Variants in PDE1C observed in about 807,000 individuals in gnomAD.
PDE1C encodes the protein phosphodiesterase 1C.
In PDE1C, 62 loss-of-function variants were observed where a neutral mutation model predicts 93.1. The ratio of observed to expected loss-of-function variants is 0.67; its 90% CI spans 0.54 to 0.82. The LOEUF (loss-of-function observed/expected upper bound fraction) is 0.82. PDE1C is among the 40% of genes least tolerant of loss of function. PDE1C has a pLI of 0.00. For synonymous variants in PDE1C, 325 were observed against 310.1 expected (o/e 1.05, Z -0.50); for missense variants, 742 against 884.6 (o/e 0.84, Z 2.04).
At chr7:32,089,480 C>G (rs889371015) in intron 3 of PDE1C, among the ~76,000 whole-genome samples, 1 of 152,114 alleles carries the variant, frequency 6.6e-6, no homozygotes, top group Admixed American at 6.6e-5. Context: ...TTACCAACCA[C>G]GTCAAGCTAT....
Position 32,370,411 on chromosome 7 carries a change from G to A in PDE1C, c.310+57411C>T, listed in dbSNP as rs533522540. Among the ~76,000 whole-genome samples the A allele has an allele frequency of 5.3e-3, 789 of 149,156 alleles. 7 individuals are homozygous for A. Among genetic ancestry groups the A allele is most frequent in the African/African-American group, 0.018 (740 of 40,302 alleles). On this transcript the variant is annotated intron_variant, in intron 1 of 1. Transcript: ENST00000672256. ...TTGCAGTGAGCTGAGATCGCACCAC[G>A]GCACTCCAGCCTGGGCGACAGAGTG...
chr7:32,081,831 T>A (rs1796679520), intron 3 of PDE1C, among the ~76,000 whole-genome samples: 1 of 152,238 alleles, frequency 6.6e-6, no homozygotes, highest in South Asian at 2.1e-4. Flanking sequence ...TTAATAACCA[T>A]GGCTTTTAGA....
chr7:32,222,514 G>A (rs985372508), intron 1 of PDE1C, among the ~76,000 whole-genome samples: 11 of 152,310 alleles, frequency 7.2e-5, no homozygotes, highest in Admixed American at 3.9e-4. Flanking sequence ...AGAAGCCAAA[G>A]AGCCTTTCTA....
chr7:31,869,982 A>G (rs1795735629), intron 6 of PDE1C, among the ~76,000 whole-genome samples: 1 of 152,102 alleles, frequency 6.6e-6, no homozygotes, highest in Non-Finnish European at 1.5e-5. Flanking sequence ...GAACAAATAC[A>G]CGGAAATTAA....
intron 1 of PDE1C, among the ~76,000 whole-genome samples, chr7:32,307,008 C>A (rs561428929): frequency 6.6e-6 from 1 of 152,328 alleles, no homozygotes; most frequent in South Asian, 2.1e-4. Context: ...CTTTGACATG[C>A]TCTATCAACT....
intron 2 of PDE1C, among the ~76,000 whole-genome samples, chr7:32,186,099 T>G (rs865979713): frequency 0.081 from 11,744 of 145,520 alleles, 715 homozygotes; most frequent in East Asian, 0.31. Flanking sequence ...TTTTTTTTTT[T>G]TTTTTTTTTT....
chr7:31,723,218 T>C, the PDE1C span, among the ~76,000 whole-genome samples: 3 of 152,198 alleles, frequency 2.0e-5, no homozygotes, highest in African/African-American at 7.2e-5. Flanking sequence ...TTCTGCCAGG[T>C]CCATTAGATG....
chr7:31,673,302 C>A, the PDE1C span, among the ~76,000 whole-genome samples: 11 of 152,130 alleles, frequency 7.2e-5, no homozygotes, highest in Admixed American at 5.9e-4. Flanking sequence ...ATTAGAGAAG[C>A]TGACAGGACC....
intron 15 of PDE1C, among the ~76,000 whole-genome samples, chr7:31,815,116 C>T (rs73319146): frequency 0.047 from 7,203 of 152,124 alleles, 590 homozygotes; most frequent in African/African-American, 0.17. Flanking sequence ...GACATTTACC[C>T]CATTTTATAA....
chr7:31,837,057 A>C (rs1478182491), intron 11 of PDE1C, 123 bp downstream of exon 11: 1 of 865,764 alleles, frequency 1.2e-6, no homozygotes, highest in African/African-American at 1.7e-5. Flanking sequence ...TAATCTGTGG[A>C]GCCCCCCTCC....
chr7:31,709,464 T>C, the PDE1C span, among the ~76,000 whole-genome samples: 6 of 152,224 alleles, frequency 3.9e-5, no homozygotes, highest in Non-Finnish European at 8.8e-5. Context: ...CCTTCAGAGT[T>C]TGCACGGTGT....
intron 1 of PDE1C, among the ~76,000 whole-genome samples, chr7:32,334,258 G>A (rs753673682): frequency 2.0e-4 from 31 of 151,886 alleles, no homozygotes; most frequent in Admixed American, 6.6e-5. Flanking sequence ...TAATTTTTTG[G>A]ATCTTTTTAA....
chr7:31,922,348 C>T (rs1802736040), intron 2 of PDE1C, among the ~76,000 whole-genome samples: 1 of 152,128 alleles, frequency 6.6e-6, no homozygotes, highest in African/African-American at 2.4e-5. Flanking sequence ...CCAGGTTTTG[C>T]TTATAATTTA....
chr7:31,635,103 G>A, the PDE1C span, among the ~76,000 whole-genome samples: 1 of 152,194 alleles, frequency 6.6e-6, no homozygotes, highest in African/African-American at 2.4e-5. Flanking sequence ...GGGTGTGGGA[G>A]TGATAAATGA....
chr7:32,346,572 C>T (rs1783856466), intron 1 of PDE1C, among the ~76,000 whole-genome samples: 1 of 152,168 alleles, frequency 6.6e-6, no homozygotes, highest in South Asian at 2.1e-4. Flanking sequence ...CATTAAAAAG[C>T]AAACAAGTAA....
intron 1 of PDE1C, among the ~76,000 whole-genome samples, chr7:32,399,952 G>C (rs1784912588): frequency 6.6e-6 from 1 of 152,068 alleles, no homozygotes; most frequent in African/African-American, 2.4e-5. Context: ...GTGGGTTAGG[G>C]CTTCGACATA....
chr7:32,216,567 G>A (rs999779734), intron 1 of PDE1C, among the ~76,000 whole-genome samples: 4 of 152,180 alleles, frequency 2.6e-5, no homozygotes, highest in African/African-American at 9.7e-5. Context: ...AAAAAGGAAG[G>A]TGCAAGGATA....
the PDE1C span, chr7:31,697,150 G>C: frequency 6.2e-7 from 1 of 1,610,904 alleles, no homozygotes; most frequent in Admixed American, 1.7e-5. Flanking sequence ...TTTGCAGGGG[G>C]TGATGGGGAC....
At chr7:32,070,922 C>G (rs540197336), upstream of PDE1C, 174 of 985,450 alleles carry the variant, frequency 1.8e-4, no homozygotes, top group South Asian at 7.2e-3. Flanking sequence ...GCGCCCAGCG[C>G]CCCGCTCACT....
Sources: allele counts gnomAD v4.1 joint callset (sites outside exome capture counted in the v4.1 genomes callset), GRCh38; gene constraint gnomAD v4.1.1; transcripts MANE v1.5; gene names NCBI Gene and HGNC (gene_info 2026-07-23, HGNC 2026-07-21).